Variants in P2RX5 observed in about 807,000 individuals in gnomAD.
The protein encoded by P2RX5 is purinergic receptor P2X 5, also known as P2X purinoceptor 5.
In P2RX5, 46 loss-of-function variants were observed where a neutral mutation model predicts 54.1. The ratio of observed to expected loss-of-function variants is 0.85; its 90% CI spans 0.67 to 1.09. P2RX5 has a LOEUF of 1.09. P2RX5 is among the 50% of genes least tolerant of loss of function. The probability of loss-of-function intolerance (pLI) is 0.00; values close to 1 mark genes in which losing one functional copy is unlikely to be tolerated. For missense variants in P2RX5, 566 were observed against 549.8 expected (o/e 1.03, Z -0.29); for synonymous variants, 226 against 226.4 (o/e 1.00, Z 0.02).
chr17:3,719,340 T>C, the P2RX5 span, among the ~76,000 whole-genome samples: 20,365 of 151,424 alleles, frequency 0.13, 4,618 homozygotes, highest in African/African-American at 0.47. Flanking sequence ...TCCTTTCTCC[T>C]CCTCCAGGGA....
chr17:3,699,052 G>GACAGACACACACAC (rs1555571232), upstream of P2RX5, among the ~76,000 whole-genome samples: 3 of 40,848 alleles, frequency 7.3e-5, no homozygotes, highest in Non-Finnish European at 1.6e-4. Flanking sequence ...TATATAGACA[G>GACAGACACACACAC]ACACACACAC....
At chr17:3,719,321 G>A in the P2RX5 span, among the ~76,000 whole-genome samples, 1 of 151,224 alleles carries the variant, frequency 6.6e-6, no homozygotes, top group Non-Finnish European at 1.5e-5. Flanking sequence ...GGCATGTCTA[G>A]AGAATTGCTC....
At chr17:3,709,667 C>A in the P2RX5 span, among the ~76,000 whole-genome samples, 67 of 152,304 alleles carry the variant, frequency 4.4e-4, no homozygotes, top group African/African-American at 1.5e-3. Flanking sequence ...GTAATCCCAG[C>A]ACTTTGGGAG....
At chr17:3,695,725 C>T in intron 1 of P2RX5, 144 bp downstream of exon 1, 3 of 944,766 alleles carry the variant, frequency 3.2e-6, no homozygotes, top group Non-Finnish European at 3.3e-6. Context: ...AAAGAGGACC[C>T]CCACAGCAAG....
At chr17:3,683,107 CA>C (rs772238808) in intron 9 of P2RX5, among the ~76,000 whole-genome samples, 1 of 152,102 alleles carries the variant, frequency 6.6e-6, no homozygotes, top group Non-Finnish European at 1.5e-5. Context: ...CCCTCACACC[CA>C]AAACGTGCCC....
chr17:3,696,334 C>T (rs1010015520), upstream of P2RX5: 8 of 194,038 alleles, frequency 4.1e-5, no homozygotes, highest in African/African-American at 1.9e-4. Context: ...AGCCACCGGT[C>T]TGGGAGCGCA....
upstream of P2RX5, among the ~76,000 whole-genome samples, chr17:3,700,168 C>T (rs1210465056): frequency 6.6e-6 from 1 of 152,176 alleles, no homozygotes; most frequent in Non-Finnish European, 1.5e-5. Context: ...ACCACCCTCA[C>T]AAGCACATGC....
chr17:3,695,875 A>G lies in P2RX5; in HGVS notation c.131T>C (p.Leu44Pro), dbSNP rs2050745417. 3 of 1,588,100 alleles carry G rather than the reference A, an allele frequency of 1.9e-6. No homozygotes were observed. Among genetic ancestry groups the G allele is most frequent in the Non-Finnish European group, 1.7e-6 (2 of 1,164,600 alleles). The change falls in exon 1 of 12, where the codon CTG becomes CCG. Residue 44 changes from leucine to proline, a missense_variant. Transcript: ENST00000225328. ...RLLQASILAY[L>P]VVWVFLIKKG... ...AAGTCCGCGGAGAACTTACACGACC[A>G]GGTACGCCAGGATGGAGGCCTGCAG...
At chr17:3,679,829 G>T in intron 10 of P2RX5, 45 bp from the exon 11 acceptor site, 1 of 1,545,446 alleles carries the variant, frequency 6.5e-7, no homozygotes, top group African/African-American at 1.4e-5. Flanking sequence ...CCTGCAGGGT[G>T]CCTCCCCTCC....
At chr17:3,720,386 G>C in the P2RX5 span, 1 of 1,538,046 alleles carries the variant, frequency 6.5e-7, no homozygotes, top group South Asian at 1.1e-5. Flanking sequence ...CTGCAGTTCA[G>C]TTACATCTTT....
intron 9 of P2RX5, among the ~76,000 whole-genome samples, chr17:3,684,252 A>C (rs909359589): frequency 2.0e-5 from 3 of 152,190 alleles, no homozygotes; most frequent in Non-Finnish European, 4.4e-5. Flanking sequence ...GCTCCATCAC[A>C]ACTGCAGGGG....
At chr17:3,682,352 G>A in intron 9 of P2RX5, 1 of 357,532 alleles carries the variant, frequency 2.8e-6, no homozygotes, top group Non-Finnish European at 5.4e-6. Context: ...CTCTGGTGCA[G>A]GAGACAGGCG....
chr17:3,688,579 G>A, intron 8 of P2RX5, 47 bp downstream of exon 8: 1 of 1,608,208 alleles, frequency 6.2e-7, no homozygotes, highest in South Asian at 1.1e-5. Context: ...ATGAGTGAGT[G>A]CCACTGATCA....
At chr17:3,692,014 A>G in intron 1 of P2RX5, 1 of 574,416 alleles carries the variant, frequency 1.7e-6, no homozygotes, top group South Asian at 1.9e-5. Flanking sequence ...AACCCTAGAG[A>G]TGGGGGCCCT....
chr17:3,720,584 C>CTTTT, the P2RX5 span: 2 of 321,040 alleles, frequency 6.2e-6, no homozygotes, highest in African/African-American at 2.4e-5. Context: ...CTTCAACTTC[C>CTTTT]TTTTTTTTTT....
At chr17:3,719,674 AAGAC>A in the P2RX5 span, among the ~76,000 whole-genome samples, 1 of 152,236 alleles carries the variant, frequency 6.6e-6, no homozygotes, top group African/African-American at 2.4e-5. Flanking sequence ...ACAGCACACT[AAGAC>A]AGTTACTGGA....
the P2RX5 span, among the ~76,000 whole-genome samples, chr17:3,712,799 T>C: frequency 0.38 from 57,594 of 151,788 alleles, 13,025 homozygotes; most frequent in South Asian, 0.59. Context: ...AAAAATTAGC[T>C]GGGCATGGTG....
At chr17:3,695,791 G>A (rs2050741997) in intron 1 of P2RX5, 78 bp downstream of exon 1, 2 of 1,571,326 alleles carry the variant, frequency 1.3e-6, no homozygotes, top group African/African-American at 1.3e-5. Flanking sequence ...GCGAATTCCA[G>A]GACCCTGGAG....
At chr17:3,719,235 C>CAAAAAAAAAAAAA in the P2RX5 span, among the ~76,000 whole-genome samples, 1 of 66,224 alleles carries the variant, frequency 1.5e-5, no homozygotes, top group African/African-American at 5.8e-5. Context: ...GATTCTTCCT[C>CAAAAAAAAAAAAA]AAAAAAAAAA....
Sources: gnomAD v4.1 joint callset for allele counts (sites outside exome capture counted in the v4.1 genomes callset) on GRCh38, gnomAD v4.1.1 for gene constraint, MANE v1.5 for transcripts, NCBI Gene and HGNC (gene_info 2026-07-23, HGNC 2026-07-21) for gene names.